The following SHB variants were observed in gnomAD, a reference collection of about 807,000 sequenced individuals.
The protein encoded by SHB is SH2 domain-containing adapter protein B.
A neutral mutation model predicts 52.3 loss-of-function variants in SHB; 20 were observed. That is an observed-to-expected ratio of 0.38 (90% confidence interval 0.27 to 0.56). The LOEUF is 0.56. Among genes scored for constraint, SHB ranks in the 20% least tolerant of loss-of-function variants. SHB has a pLI of 0.71. For synonymous variants in SHB, 397 were observed against 316.5 expected, an observed-to-expected ratio of 1.25 and a Z score of -2.70; for missense variants, 825 against 723.3, an observed-to-expected ratio of 1.14 and a Z score of -1.61.
chr9:37,928,937 C>T (rs1832281319), intron 5 of SHB, among the ~76,000 whole-genome samples: 1 of 152,252 alleles, frequency 6.6e-6, no homozygotes, highest in Admixed American at 6.5e-5. Flanking sequence ...GCCAAGGCAG[C>T]CTCGGGGGAA....
chr9:38,039,077 C>G (rs1049937204), intron 1 of SHB, among the ~76,000 whole-genome samples: 6 of 152,084 alleles, frequency 3.9e-5, no homozygotes, highest in African/African-American at 1.4e-4. Flanking sequence ...CAGGACACTA[C>G]ACTACAAAAA....
chr9:37,952,739 T>C (rs1051450058), intron 4 of SHB, among the ~76,000 whole-genome samples: 1 of 151,352 alleles, frequency 6.6e-6, no homozygotes, highest in South Asian at 2.1e-4. Context: ...ATCAAGATGA[T>C]GACGGGTTTG....
Position 38,025,196 on chromosome 9 carries a change from G to T in SHB, c.718-9065C>A, listed in dbSNP as rs529180898. ...CCCTTACAAGGACCAACCACCCATC[G>T]CTGTGGACAGCTCTCTGTGGGAGGT... On this transcript the variant is annotated intron_variant, in intron 1 of 5. Coordinates refer to ENST00000377707, the MANE Select transcript of SHB (RefSeq NM_003028.3). Among the ~76,000 whole-genome samples the T allele has an allele frequency of 5.3e-5, 8 of 152,262 alleles. No homozygotes were observed. In the South Asian group the frequency reaches 1.7e-3, roughly 32 times the overall value.
intron 1 of SHB, among the ~76,000 whole-genome samples, chr9:38,060,422 T>C (rs1821877690): frequency 6.6e-6 from 1 of 152,180 alleles, no homozygotes; most frequent in Admixed American, 6.5e-5. Flanking sequence ...TGATCCACCT[T>C]GGCCTCCCAA....
At chr9:37,988,744 A>C (rs1039097161) in intron 2 of SHB, among the ~76,000 whole-genome samples, 1 of 152,212 alleles carries the variant, frequency 6.6e-6, no homozygotes, top group Non-Finnish European at 1.5e-5. Context: ...TAGTACACTG[A>C]ATAGTGCAGA....
chr9:37,975,163 C>T (rs955149282), intron 2 of SHB, among the ~76,000 whole-genome samples: 5 of 152,236 alleles, frequency 3.3e-5, no homozygotes, highest in East Asian at 1.9e-4. Flanking sequence ...ACCCAGAACA[C>T]GCAGAGCTTC....
intron 1 of SHB, among the ~76,000 whole-genome samples, chr9:38,044,966 G>A (rs546628566): frequency 3.9e-5 from 6 of 152,316 alleles, no homozygotes; most frequent in Admixed American, 3.9e-4. Flanking sequence ...CAAATGGCAG[G>A]ACAGCTGAGC....
rs375861666 is a variant in SHB at position 37,930,154 on chromosome 9, T to C, written c.1347-10150A>G. On this transcript the variant is annotated intron_variant, in intron 5 of 5. Transcript: ENST00000377707. ...CAGGAAACTGGTCATAGATGGTCAA[T>C]GGCATTTATTAAGTGTCTACTGTGT... Among the ~76,000 whole-genome samples the C allele has an allele frequency of 5.3e-5, 8 of 152,316 alleles. No individual in the cohort carries two copies. The South Asian group carries it at 1.5e-3, about 28-fold the overall frequency.
intron 1 of SHB, among the ~76,000 whole-genome samples, chr9:38,043,785 A>G (rs571736942): frequency 1.3e-4 from 20 of 152,198 alleles, no homozygotes; most frequent in Admixed American, 9.2e-4. Context: ...GCTACTTGGG[A>G]GGCTGAGGCA....
At chr9:38,028,325 T>G (rs1468521113) in intron 1 of SHB, among the ~76,000 whole-genome samples, 3 of 152,200 alleles carry the variant, frequency 2.0e-5, no homozygotes, top group Admixed American at 6.5e-5. Context: ...ATGCACCCTG[T>G]GATACCTATG....
At chr9:37,986,930 T>A (rs1820814857) in intron 2 of SHB, among the ~76,000 whole-genome samples, 1 of 152,228 alleles carries the variant, frequency 6.6e-6, no homozygotes, top group South Asian at 2.1e-4. Flanking sequence ...ACACACGCGA[T>A]CTTCCAGTCT....
intron 5 of SHB, among the ~76,000 whole-genome samples, chr9:37,947,257 G>A (rs1832503369): frequency 6.6e-6 from 1 of 152,178 alleles, no homozygotes; most frequent in Admixed American, 6.5e-5. Flanking sequence ...AGTTCCCTCT[G>A]CATCCTCTCT....
chr9:37,966,248 G>T (rs2117944691), intron 3 of SHB, among the ~76,000 whole-genome samples: 1 of 152,316 alleles, frequency 6.6e-6, no homozygotes, highest in Admixed American at 6.5e-5. Context: ...TCCACATGAA[G>T]ATCTCTGAGC....
chr9:37,999,930 C>T lies in SHB; in HGVS notation c.838+16081G>A, dbSNP rs1365714339. 5.9e-5 allele frequency among the ~76,000 whole-genome samples: 9 copies of T among 152,350 alleles called. No homozygotes were observed. In the East Asian group the frequency reaches 1.3e-3, roughly 23 times the overall value. ...CACTAGTCACCCCATGCCCTCTACC[C>T]CCAGCCCTGTTCTATTTGGCCATTC... On this transcript the variant is annotated intron_variant, in intron 2 of 5. Coordinates refer to ENST00000377707, the MANE Select transcript of SHB (RefSeq NM_003028.3).
At chr9:37,957,262 T>C (rs529053506) in intron 3 of SHB, among the ~76,000 whole-genome samples, 21 of 152,296 alleles carry the variant, frequency 1.4e-4, no homozygotes, top group South Asian at 1.2e-3. Flanking sequence ...GCAAGCATGA[T>C]TGTGGCAAGC....
Position 38,035,439 on chromosome 9 carries a change from A to T in SHB, c.718-19308T>A, listed in dbSNP as rs1389656550. Among the ~76,000 whole-genome samples, 5 of 151,910 alleles carry T rather than the reference A, an allele frequency of 3.3e-5. No homozygotes were observed. In the East Asian group the frequency reaches 9.7e-4, roughly 30 times the overall value. ...GGTACCCTGAAGCATAGGACTGGGG[A>T]TAGGGGAGCCAGTGTTGAAGGGGTT... On this transcript the variant is annotated intron_variant, in intron 1 of 5. Transcript: ENST00000377707.
At chr9:38,019,598 A>T (rs1388262049) in intron 1 of SHB, among the ~76,000 whole-genome samples, 1 of 152,246 alleles carries the variant, frequency 6.6e-6, no homozygotes, top group African/African-American at 2.4e-5. Context: ...GGACAGCTGC[A>T]CTTGTGAGCA....
chr9:37,937,684 C>G (rs567131993), intron 5 of SHB, among the ~76,000 whole-genome samples: 2 of 152,194 alleles, frequency 1.3e-5, no homozygotes, highest in African/African-American at 4.8e-5. Context: ...ATTTGAACTG[C>G]GGGAGCGAAG....
At chr9:38,043,217 C>T (rs1821603849) in intron 1 of SHB, among the ~76,000 whole-genome samples, 1 of 152,198 alleles carries the variant, frequency 6.6e-6, no homozygotes, top group South Asian at 2.1e-4. Flanking sequence ...GTCCTTGTGT[C>T]CAATGCTCTG....
Sources: allele counts gnomAD v4.1 joint callset (sites outside exome capture counted in the v4.1 genomes callset), GRCh38; gene constraint gnomAD v4.1.1; transcripts MANE v1.5; gene names NCBI Gene and HGNC (gene_info 2026-07-23, HGNC 2026-07-21).